Variants in ZNF563 observed in about 807,000 individuals in gnomAD.
ZNF563 encodes the protein zinc finger protein 563.
A neutral mutation model predicts 48.5 loss-of-function variants in ZNF563; 39 were observed. The ratio of observed to expected loss-of-function variants is 0.80; its 90% CI spans 0.62 to 1.05. The LOEUF is 1.05. Ranked by LOEUF, ZNF563 falls within the 50% of genes least tolerant of loss-of-function variation. The pLI, the probability that ZNF563 is intolerant of heterozygous loss-of-function variation, is 0.00. For synonymous variants in ZNF563, 168 were observed against 187.9 expected, an observed-to-expected ratio of 0.89 and a Z score of 0.87; for missense variants, 538 against 597.0, an observed-to-expected ratio of 0.90 and a Z score of 1.03.
At chr19:12,343,769 C>T in the ZNF563 span, among the ~76,000 whole-genome samples, 9 of 128,196 alleles carry the variant, frequency 7.0e-5, no homozygotes, top group African/African-American at 1.8e-4. Context: ...CTCGCTCTGT[C>T]GCCCAGGCTG....
rs201463791 is a variant in ZNF563, at chr19:12,333,499, T to C, written c.-17A>G. 2.8e-5 allele frequency: 45 copies of C among 1,613,538 alleles called. No individual in the cohort carries two copies. The highest frequency in any genetic ancestry group is 3.4e-6 in the Non-Finnish European group (4 of 1,179,828). ...ACGCACCATTTCCCGGCTTCCGGGA[T>C]GTTCCAGGGTCCTCCCTCTGCCTCC... On this transcript the variant is annotated 5_prime_UTR_variant, in exon 1 of 4. Transcript: ENST00000293725.
At chr19:12,323,032 A>G (rs1380099204) in intron 1 of ZNF563, among the ~76,000 whole-genome samples, 2 of 152,194 alleles carry the variant, frequency 1.3e-5, no homozygotes. Flanking sequence ...ACAAAGTCCT[A>G]CTACCTATTG....
chr19:12,340,988 A>C, the ZNF563 span, among the ~76,000 whole-genome samples: 1 of 152,164 alleles, frequency 6.6e-6, no homozygotes, highest in African/African-American at 2.4e-5. Flanking sequence ...GGTATCTGGA[A>C]GGTGTAGGTG....
upstream of ZNF563, among the ~76,000 whole-genome samples, chr19:12,334,621 C>A (rs1328223744): frequency 2.6e-5 from 4 of 152,188 alleles, no homozygotes; most frequent in Non-Finnish European, 4.4e-5. Flanking sequence ...GCAATCCCAG[C>A]ACTTTGGGAG....
upstream of ZNF563, among the ~76,000 whole-genome samples, chr19:12,335,165 T>C (rs1969004699): frequency 6.6e-6 from 1 of 152,050 alleles, no homozygotes; most frequent in African/African-American, 2.4e-5. Context: ...AAAGAAGACC[T>C]TGGAAGAAGC....
At chr19:12,324,725 A>G (rs1375978688) in intron 1 of ZNF563, among the ~76,000 whole-genome samples, 4 of 151,236 alleles carry the variant, frequency 2.6e-5, no homozygotes, top group East Asian at 3.9e-4. Context: ...CTCAAGAAAA[A>G]AAAAAAAAAA....
At chr19:12,320,851 T>C (rs762548247) in intron 3 of ZNF563, among the ~76,000 whole-genome samples, 1 of 151,990 alleles carries the variant, frequency 6.6e-6, no homozygotes, top group African/African-American at 2.4e-5. Context: ...TAAGAATAAA[T>C]AAATTTAGGC....
Position 12,319,094 on chromosome 19 carries a change from A to G in ZNF563, c.931T>C (p.Cys311Arg), listed in dbSNP as rs1968524103. 2 of 1,613,944 alleles carry G rather than the reference A, an allele frequency of 1.2e-6. No homozygotes were observed. Among genetic ancestry groups the G allele is most frequent in the South Asian group, 1.1e-5 (1 of 91,080 alleles). ...TTHSAEKPYECKQCGKTFHHL... is the reference protein window; with the variant it reads ...TTHSAEKPYERKQCGKTFHHL... The stretch of plus-strand genomic sequence containing the variant: ...TGAAATGTTTTCCCGCATTGCTTAC[A>G]CTCATAGGGTTTCTCTGCACTGTGA... Residue 311 changes from cysteine to arginine, a missense_variant, in exon 4 of 4, where the codon TGT becomes CGT. Transcript: ENST00000293725.
chr19:12,327,122 G>A (rs956500450), intron 1 of ZNF563, among the ~76,000 whole-genome samples: 1 of 152,064 alleles, frequency 6.6e-6, no homozygotes, highest in African/African-American at 2.4e-5. Context: ...ATACTAATAG[G>A]ATAAGAAAAT....
At chr19:12,324,419 T>TA (rs1254921082) in intron 1 of ZNF563, among the ~76,000 whole-genome samples, 8 of 151,884 alleles carry the variant, frequency 5.3e-5, no homozygotes, top group South Asian at 2.1e-4. Context: ...CTAAAAATGC[T>TA]AAAAAACCTC....
chr19:12,336,039 G>A (rs1057262257), upstream of ZNF563, among the ~76,000 whole-genome samples: 3 of 152,294 alleles, frequency 2.0e-5, no homozygotes, highest in Admixed American at 6.5e-5. Context: ...CAGCACTGAT[G>A]AGTTAATTGA....
intron 1 of ZNF563, among the ~76,000 whole-genome samples, chr19:12,330,736 T>A (rs974910803): frequency 5.9e-5 from 9 of 152,214 alleles, no homozygotes; most frequent in African/African-American, 2.2e-4. Context: ...CACCTCCATA[T>A]ACAATAATCA....
chr19:12,322,448 G>C lies in ZNF563; in HGVS notation c.130+137C>G, dbSNP rs1017826488. The C allele has an allele frequency of 5.4e-6, 5 of 922,834 alleles. No homozygotes were observed. The Admixed American group carries it at 1.0e-4, about 19-fold the overall frequency. The allele number at this position is 922,834 out of a possible 1,614,324, so 57.2% of individuals were successfully genotyped here. On this transcript the variant is annotated intron_variant, in intron 2 of 3. Transcript: ENST00000293725. ...AGATGAGGATGTACAACTTCTTTCA[G>C]GGCTGTCACCTCTGAATTCTGTGTT...
At chr19:12,333,408 C>A in intron 1 of ZNF563, 72 bp downstream of exon 1, 2 of 1,574,668 alleles carry the variant, frequency 1.3e-6, no homozygotes, top group Non-Finnish European at 1.7e-6. Flanking sequence ...GGCCCACGTT[C>A]GCCGCGGCCG....
chr19:12,344,505 C>G, the ZNF563 span, among the ~76,000 whole-genome samples: 1 of 151,616 alleles, frequency 6.6e-6, no homozygotes, highest in African/African-American at 2.4e-5. Context: ...AATAATTTGA[C>G]AAAATTAAAT....
At chr19:12,324,379 A>T (rs1568475666) in intron 1 of ZNF563, among the ~76,000 whole-genome samples, 1 of 152,166 alleles carries the variant, frequency 6.6e-6, no homozygotes, top group Admixed American at 6.5e-5. Flanking sequence ...ATAAAATTAC[A>T]TTATCAAATC....
chr19:12,325,297 T>C (rs1258808455), intron 1 of ZNF563, among the ~76,000 whole-genome samples: 9 of 151,990 alleles, frequency 5.9e-5, no homozygotes, highest in African/African-American at 2.2e-4. Context: ...CTGGCCAACA[T>C]AGTGAAACCC....
At chr19:12,336,272 G>C (rs2145823893), upstream of ZNF563, among the ~76,000 whole-genome samples, 1 of 152,116 alleles carries the variant, frequency 6.6e-6, no homozygotes, top group East Asian at 1.9e-4. Flanking sequence ...ACCAGTCTGG[G>C]CAACACGGGG....
At chr19:12,339,808 T>C in the ZNF563 span, among the ~76,000 whole-genome samples, 7,395 of 152,178 alleles carry the variant, frequency 0.049, 598 homozygotes, top group African/African-American at 0.17. Flanking sequence ...GCCATGGATG[T>C]AGACATCCAA....
Sources: gnomAD v4.1 joint callset for allele counts (sites outside exome capture counted in the v4.1 genomes callset) on GRCh38, gnomAD v4.1.1 for gene constraint, MANE v1.5 for transcripts, NCBI Gene and HGNC (gene_info 2026-07-23, HGNC 2026-07-21) for gene names.